The following SVIL variants were observed in gnomAD, a reference collection of about 807,000 sequenced individuals.
SVIL encodes the protein archvillin.
SVIL carries 101 observed loss-of-function variants against 240.4 expected under a neutral mutation model. The observed-to-expected ratio is 0.42, with a 90% CI of 0.36 to 0.50. The LOEUF is 0.50. Among genes scored for constraint, SVIL ranks in the 20% least tolerant of loss-of-function variants. The probability of loss-of-function intolerance (pLI) is 0.01; values close to 1 mark genes in which losing one functional copy is unlikely to be tolerated. For missense variants in SVIL, 2,512 were observed against 2,818.7 expected, an observed-to-expected ratio of 0.89 and a Z score of 2.46; for synonymous variants, 999 against 1,100.0, an observed-to-expected ratio of 0.91 and a Z score of 1.82.
intron 1 of SVIL, among the ~76,000 whole-genome samples, chr10:29,585,390 A>C (rs1956124112): frequency 6.6e-6 from 1 of 151,942 alleles, no homozygotes. Context: ...TGGCCTCACT[A>C]TGTTGCCCAG....
intron 8 of SVIL, 38 bp downstream of exon 8, chr10:29,532,491 A>C (rs1351845885): frequency 1.3e-6 from 2 of 1,570,838 alleles, no homozygotes; most frequent in Non-Finnish European, 1.7e-6. Flanking sequence ...AGGGACGTGC[A>C]AGTGACACAG....
chr10:29,674,891 C>T (rs567172884), intron 2 of SVIL, among the ~76,000 whole-genome samples: 43 of 152,272 alleles, frequency 2.8e-4, no homozygotes, highest in African/African-American at 8.4e-4. Context: ...CTGTGTCCCA[C>T]GGCATCACTC....
chr10:29,506,098 T>G (rs1270576819), intron 17 of SVIL, among the ~76,000 whole-genome samples: 1 of 152,222 alleles, frequency 6.6e-6, no homozygotes, highest in Non-Finnish European at 1.5e-5. Context: ...TTGTTCTTTT[T>G]TATTGATTTT....
chr10:29,635,546 A>G (rs372209861), upstream of SVIL, among the ~76,000 whole-genome samples: 16 of 152,368 alleles, frequency 1.1e-4, no homozygotes, highest in East Asian at 2.3e-3. Flanking sequence ...CTGAACTGGC[A>G]AGATCTATCT....
intron 18 of SVIL, among the ~76,000 whole-genome samples, chr10:29,495,727 T>C (rs1366689712): frequency 6.6e-6 from 1 of 152,174 alleles, no homozygotes; most frequent in African/African-American, 2.4e-5. Context: ...GGAAGTCCTG[T>C]CCATCTCCCG....
intron 17 of SVIL, among the ~76,000 whole-genome samples, chr10:29,506,682 A>G (rs61849284): frequency 8.9e-6 from 1 of 112,986 alleles, no homozygotes; most frequent in Non-Finnish European, 2.0e-5. Context: ...AGGCCCTATG[A>G]GGGAGGGGAC....
Position 29,655,306 on chromosome 10 carries a change from C to A in SVIL, c.-201+2663G>T, listed in dbSNP as rs181943097. On this transcript the variant is annotated intron_variant, in intron 3 of 35. Coordinates refer to the SVIL transcript ENST00000375400. ...CAATAGTGCAGCCTTCAGTCTGTGG[C>A]CAAAGGCCCTAGACCCCCCGGCAAG... 4.3e-4 allele frequency among the ~76,000 whole-genome samples: 65 copies of A among 152,178 alleles called. No individual in the cohort carries two copies. The East Asian group carries it at 0.011, about 26-fold the overall frequency.
At chr10:29,510,554 G>A (rs1214941837) in intron 17 of SVIL, among the ~76,000 whole-genome samples, 2 of 151,660 alleles carry the variant, frequency 1.3e-5, no homozygotes, top group Admixed American at 6.6e-5. Flanking sequence ...AGGGCGTGAT[G>A]AGCTGACCAT....
At chr10:29,518,699 TG>T (rs1340161698) in intron 16 of SVIL, among the ~76,000 whole-genome samples, 2 of 152,098 alleles carry the variant, frequency 1.3e-5, no homozygotes, top group Non-Finnish European at 2.9e-5. Context: ...CTACTAAAAA[TG>T]CAAAAATTAG....
chr10:29,566,228 C>T lies in SVIL; in HGVS notation c.-142-2936G>A, dbSNP rs568112017. ...CACATCATTCTTTAGTACCTTTGCT[C>T]ACCTTGCATACATGTGTGAAAAACT... On this transcript the variant is annotated intron_variant, in intron 2 of 37. Coordinates refer to ENST00000355867, the MANE Select transcript of SVIL (RefSeq NM_021738.3). Among the ~76,000 whole-genome samples, 5 of 152,260 alleles carry T rather than the reference C, an allele frequency of 3.3e-5. No individual in the cohort carries two copies. In the South Asian group the frequency reaches 6.2e-4, roughly 19 times the overall value.
rs1003609589 is a variant in SVIL, at chr10:29,533,400, C to T, written c.967G>A (p.Ala323Thr). The T allele has an allele frequency of 1.2e-5, 19 of 1,613,976 alleles. No individual in the cohort carries two copies. The highest frequency in any genetic ancestry group is 1.6e-4 in the Middle Eastern group (1 of 6,084). ...EESARNSPEL[A>T]SESVTQRRHQ... ...CTCCTCTGAGTTACGGACTCTGAGG[C>T]GAGTTCAGGGCTGTTTCGAGCACTT... is the stretch of plus-strand genomic sequence containing the variant. Residue 323 changes from alanine (A) to threonine (T), a missense_variant, in exon 8 of 38, where the codon GCC (alanine) becomes ACC (threonine). Physicochemically the swap from Ala to Thr is moderately conservative, Grantham distance 58 (BLOSUM62 0). Coordinates refer to ENST00000355867, the MANE Select transcript of SVIL (RefSeq NM_021738.3).
Position 29,606,801 on chromosome 10 carries a change from C to T in SVIL, c.-201+27619G>A, listed in dbSNP as rs1199503639. Among the ~76,000 whole-genome samples, 4 of 152,188 alleles carry T rather than the reference C, an allele frequency of 2.6e-5. No individual in the cohort carries two copies. The South Asian group carries it at 6.2e-4, about 24-fold the overall frequency. On this transcript the variant is annotated intron_variant, in intron 1 of 37. Transcript: ENST00000355867. ...TCAGAGTCTTGTTCTGTCGCCCAGG[C>T]TGGAGTGCAGTGGCAGGATCTCAGC...
chr10:29,471,014 G>T, intron 31 of SVIL, 124 bp downstream of exon 31: 1 of 873,126 alleles, frequency 1.1e-6, no homozygotes, highest in Non-Finnish European at 1.9e-6. Context: ...GCAAACATCA[G>T]GAGGCTTTCA....
chr10:29,500,348 C>A (rs555503135), intron 17 of SVIL, among the ~76,000 whole-genome samples: 1 of 151,916 alleles, frequency 6.6e-6, no homozygotes, highest in African/African-American at 2.4e-5. Context: ...GGGTGGGGAG[C>A]GGGGGAGAAG....
At chr10:29,721,696 T>C (rs944340046) in intron 1 of SVIL, among the ~76,000 whole-genome samples, 2 of 152,212 alleles carry the variant, frequency 1.3e-5, no homozygotes, top group South Asian at 4.1e-4. Context: ...ATAATAGCTA[T>C]GCATCCAAAT....
In SVIL at chr10:29,536,026, C is replaced by T. The variant is rs372012664; in HGVS notation, c.871G>A (p.Glu291Lys). Reference sequence around the variant, plus strand: ...TTGATAAGTGAAGGTGTGTCCCCTTCGGAATCTTTCTGGAGAAACCACTCA... The same window carrying T: ...TTGATAAGTGAAGGTGTGTCCCCTTTGGAATCTTTCTGGAGAAACCACTCA... Reference protein sequence around the residue: ...KHEWFLQKDSEGDTPSLINWP... With the variant: ...KHEWFLQKDSKGDTPSLINWP... The change falls in exon 7 of 38, where the codon GAA becomes AAA. Residue 291 changes from glutamate (E) to lysine (K), a missense_variant. Around this residue, in one of 3 missense-constraint regions of SVIL, gnomAD observed 1,443 missense variants for 1,486.6 expected, o/e 0.97. Coordinates refer to ENST00000355867, the MANE Select transcript of SVIL (RefSeq NM_021738.3). 69 of 1,614,058 alleles carry T rather than the reference C, an allele frequency of 4.3e-5. No homozygotes were observed. The highest frequency in any genetic ancestry group is 8.9e-5 in the East Asian group (4 of 44,892).
intron 1 of SVIL, among the ~76,000 whole-genome samples, chr10:29,710,408 C>G (rs1395775373): frequency 6.6e-6 from 1 of 152,164 alleles, no homozygotes; most frequent in African/African-American, 2.4e-5. Flanking sequence ...AGTTAATCCC[C>G]TGCTACAAAT....
At chr10:29,713,110 C>G (rs1216596806) in intron 1 of SVIL, among the ~76,000 whole-genome samples, 2 of 151,534 alleles carry the variant, frequency 1.3e-5, no homozygotes, top group African/African-American at 4.9e-5. Flanking sequence ...ATCTGGGAGG[C>G]AGTTGCAGTG....
At position 29,458,191 on chromosome 10, in the gene SVIL, C is replaced by T. The variant is rs1943771699; in HGVS notation, c.*56G>A. 3 of 1,520,788 alleles carry T rather than the reference C, an allele frequency of 2.0e-6. No individual in the cohort carries two copies. Among genetic ancestry groups the T allele is most frequent in the Admixed American group, 1.9e-5 (1 of 51,772 alleles). 94.2% of individuals were successfully genotyped at this position (1,520,788 alleles called of 1,614,324 possible). A position where few individuals can be genotyped will look rare whatever the true frequency, so the allele number is the denominator to read the frequency against. ...CAGTCCAAAAATATATATCCATTTC[C>T]CTGGTGCAGTGGTGTTGTTGGACGT... On this transcript the variant is annotated 3_prime_UTR_variant, in exon 38 of 38. Coordinates refer to ENST00000355867, the MANE Select transcript of SVIL (RefSeq NM_021738.3).
Sources: allele counts gnomAD v4.1 joint callset (sites outside exome capture counted in the v4.1 genomes callset), GRCh38; gene constraint gnomAD v4.1.1; regional missense constraint gnomAD v4.1.1; transcripts MANE v1.5; gene names NCBI Gene and HGNC (gene_info 2026-07-23, HGNC 2026-07-21).